The following FKBP8 variants were observed in gnomAD, a reference collection of about 807,000 sequenced individuals.
FKBP8 encodes the protein peptidyl-prolyl cis-trans isomerase FKBP8.
FKBP8 carries 5 observed loss-of-function variants against 41.7 expected under a neutral mutation model. The observed-to-expected ratio is 0.12, with a 90% CI of 0.06 to 0.25. The LOEUF is 0.25. Among genes scored for constraint, FKBP8 ranks in the 10% least tolerant of loss-of-function variants. The pLI, the probability that FKBP8 is intolerant of heterozygous loss-of-function variation, is 1.00. For missense variants in FKBP8, 397 were observed against 563.0 expected (o/e 0.71, Z 2.98); for synonymous variants, 279 against 254.5 (o/e 1.10, Z -0.92).
Position 18,537,936 on chromosome 19 carries a change from G to GC in FKBP8, c.773-164_773-163insG. The GC allele has an allele frequency of 2.6e-6, 2 of 777,888 alleles. No homozygotes were observed. 48.2% of individuals were successfully genotyped at this position (777,888 alleles called of 1,614,324 possible). On this transcript the variant is annotated intron_variant, in intron 5 of 8. Coordinates refer to ENST00000608443, the MANE Select transcript of FKBP8 (RefSeq NM_012181.5). This position sits in a 1 kb window ranked among gnomAD's most constrained non-coding sequence, Gnocchi z 4.4. ...GGCTCTCCTGAGGAAGCTACAAGATGGAGACTTAAGCAAGCGAGGGCCTAG... is the reference window on the plus strand; with the variant it reads ...GGCTCTCCTGAGGAAGCTACAAGATGCGAGACTTAAGCAAGCGAGGGCCTAG...
chr19:18,540,787 G>A (rs565279352), intron 2 of FKBP8, among the ~76,000 whole-genome samples: 1 of 151,836 alleles, frequency 6.6e-6, no homozygotes, highest in East Asian at 1.9e-4. Flanking sequence ...CAGAAGAATC[G>A]CTTGAACCTG....
rs972047387 is a variant in FKBP8 at position 18,531,929 on chromosome 19, G to A, written c.*240C>T. 12 of 537,572 alleles carry A rather than the reference G, an allele frequency of 2.2e-5. No homozygotes were observed. The highest frequency in any genetic ancestry group is 3.4e-5 in the Non-Finnish European group (10 of 296,156). 33.3% of individuals were successfully genotyped at this position (537,572 alleles called of 1,614,324 possible). ...AGCCCTGGCGGAGACCTAGCCCAGCGGGGTAAGGAGGGTGGGGGAAAACTG... is the reference window on the plus strand; with the variant it reads ...AGCCCTGGCGGAGACCTAGCCCAGCAGGGTAAGGAGGGTGGGGGAAAACTG... On this transcript the variant is annotated 3_prime_UTR_variant, in exon 9 of 9. Transcript: ENST00000608443.
chr19:18,536,203 A>C (rs897530427), intron 6 of FKBP8: 1 of 152,182 alleles, frequency 6.6e-6, no homozygotes, highest in African/African-American at 2.4e-5. Context: ...GTGAGCCAGT[A>C]TCTGTGCCTC....
rs751007927 is a variant in FKBP8, at chr19:18,533,250, G to A, written c.1023+20C>T. The A allele has an allele frequency of 6.4e-7, 1 of 1,551,636 alleles. No homozygotes were observed. Reference sequence around the variant, plus strand: ...GACTTCCCAGCCGAGCAAGTCCCAGGGCACCCCTGTCCTGCTCACCTTGTT... The same window carrying A: ...GACTTCCCAGCCGAGCAAGTCCCAGAGCACCCCTGTCCTGCTCACCTTGTT... On this transcript the variant is annotated intron_variant, in intron 7 of 8. Transcript: ENST00000608443.
Position 18,537,528 on chromosome 19 carries a change from C to T in FKBP8, c.945+73G>A. On this transcript the variant is annotated intron_variant, in intron 6 of 8. Coordinates refer to ENST00000608443, the MANE Select transcript of FKBP8 (RefSeq NM_012181.5). The surrounding 1 kb of genome is among the most constrained non-coding windows in gnomAD (Gnocchi z 4.4). ...CTGGCTTATATACCTATGCCTTTCT[C>T]AAATGCAGGGTTGGGGACCACCCCG... 1 of 1,417,880 alleles carries T rather than the reference C, an allele frequency of 7.1e-7. No individual in the cohort carries two copies. 87.8% of individuals were successfully genotyped at this position (1,417,880 alleles called of 1,614,324 possible).
chr19:18,533,850 C>CA (rs540917196), intron 6 of FKBP8, among the ~76,000 whole-genome samples: 36 of 146,934 alleles, frequency 2.5e-4, no homozygotes, highest in East Asian at 1.0e-3. Flanking sequence ...ACTAAAAATA[C>CA]AAAAAAAATT....
At chr19:18,532,404 A>G in intron 8 of FKBP8, 149 bp from the exon 9 acceptor site, 1 of 944,168 alleles carries the variant, frequency 1.1e-6, no homozygotes, top group Non-Finnish European at 1.6e-6. Flanking sequence ...CTACTCATGC[A>G]GCAAAACCCA....
intron 6 of FKBP8, among the ~76,000 whole-genome samples, chr19:18,533,831 C>T (rs1250246924): frequency 1.6e-4 from 23 of 147,076 alleles, no homozygotes; most frequent in Admixed American, 2.0e-4. Context: ...ACGGTGAAAC[C>T]CTGTATCTAC....
In FKBP8 at chr19:18,539,704, C is replaced by T; in HGVS notation, c.309G>A (p.Arg103=). The T allele has an allele frequency of 6.2e-7, 1 of 1,608,240 alleles. No homozygotes were observed. Residue 103 remains arginine (R), a synonymous_variant, in exon 3 of 9, where the codon AGG becomes AGA. Transcript: ENST00000608443. ...WLDILGNGLL[R]KKTLVPGPPG... ...GCGGCCCTGGGACCAGCGTCTTCTT[C>T]CTCAACAGCCCGTTCCCTGCCAGGG... is the stretch of plus-strand genomic sequence containing the variant.
At chr19:18,533,536 T>C (rs889703162) in intron 6 of FKBP8, among the ~76,000 whole-genome samples, 189 bp from the exon 7 acceptor site, 3 of 152,046 alleles carry the variant, frequency 2.0e-5, no homozygotes, top group Admixed American at 1.3e-4. Context: ...AAACCCCGTC[T>C]CTACCAAAAA....
rs1976477080 is a variant in FKBP8 at position 18,532,687 on chromosome 19, TAGC to T, written c.1129_1131del (p.Ala377del). 1.2e-6 allele frequency: 2 copies of T among 1,614,032 alleles called. No homozygotes were observed. Among genetic ancestry groups the T allele is most frequent in the Non-Finnish European group, 8.5e-7 (1 of 1,180,016 alleles). On this transcript the variant is annotated inframe_deletion, in exon 8 of 9. Transcript: ENST00000608443. ...ACCCAGGCACCCTTGCCAGGGCACT[TAGC>T]AGGCAGCCGGCTGGGGTTGCCCAGC...
chr19:18,541,167 T>C (rs1976691152), intron 2 of FKBP8, among the ~76,000 whole-genome samples: 1 of 152,168 alleles, frequency 6.6e-6, no homozygotes, highest in African/African-American at 2.4e-5. Context: ...GTAGTTTTCT[T>C]CTTGTAGGAT....
chr19:18,532,788 T>C lies in FKBP8; in HGVS notation c.1031A>G (p.His344Arg). ...LKLEPSNKTIHAELSKLVKKH... is the reference protein window; with the variant it reads ...LKLEPSNKTIRAELSKLVKKH... ...CTTCACCAGCTTTGAGAGCTCTGCG[T>C]GGATCGTCTGCAGAAGGCAGGGGAA... is the stretch of plus-strand genomic sequence containing the variant. The change falls in exon 8 of 9, where the codon CAC (histidine) becomes CGC (arginine). Residue 344 changes from histidine (H) to arginine (R), a missense_variant. Around this residue, in one of 2 missense-constraint regions of FKBP8, gnomAD observed 225 missense variants for 366.8 expected, o/e 0.61. Transcript: ENST00000608443. The C allele has an allele frequency of 6.2e-7, 1 of 1,613,886 alleles. No individual in the cohort carries two copies. Among genetic ancestry groups the C allele is most frequent in the Non-Finnish European group, 8.5e-7 (1 of 1,180,002 alleles).
Position 18,537,828 on chromosome 19 carries a change from G to A in FKBP8, c.773-55C>T, listed in dbSNP as rs1057187296. On this transcript the variant is annotated intron_variant, in intron 5 of 8. Transcript: ENST00000608443. This position sits in a 1 kb window ranked among gnomAD's most constrained non-coding sequence, Gnocchi z 4.4. ...CCGTCACCATGCCACCAGACACCCC[G>A]GCACCCACCCCTCTGCGGAGGCTGC... is the stretch of plus-strand genomic sequence containing the variant. The A allele has an allele frequency of 2.6e-5, 41 of 1,549,086 alleles. No homozygotes were observed. The highest frequency in any genetic ancestry group is 2.1e-4 in the South Asian group (17 of 82,776).
chr19:18,539,016 G>A (rs567177457), intron 4 of FKBP8, among the ~76,000 whole-genome samples: 9 of 151,804 alleles, frequency 5.9e-5, no homozygotes, highest in South Asian at 2.1e-4. Flanking sequence ...GGGTTTCACC[G>A]TGCTAGCCAG....
chr19:18,536,711 A>G (rs981039832), intron 6 of FKBP8, among the ~76,000 whole-genome samples: 15 of 152,188 alleles, frequency 9.9e-5, no homozygotes, highest in African/African-American at 3.6e-4. Flanking sequence ...CCCTGTTTGC[A>G]AGGCTGGAGA....
intron 1 of FKBP8, chr19:18,542,748 TC>T: frequency 2.3e-6 from 1 of 443,508 alleles, no homozygotes; most frequent in Non-Finnish European, 4.0e-6. Context: ...GTGGTCGAGG[TC>T]CCACCACATT....
intron 7 of FKBP8, 46 bp from the exon 8 acceptor site, chr19:18,532,841 C>T (rs781771259): frequency 1.9e-6 from 3 of 1,604,796 alleles, no homozygotes; most frequent in Non-Finnish European, 2.5e-6. Context: ...GCCAACCTGT[C>T]ATCACTGGCG....
intron 2 of FKBP8, among the ~76,000 whole-genome samples, 192 bp from the exon 3 acceptor site, chr19:18,539,912 G>A (rs1976661868): frequency 6.6e-6 from 1 of 152,230 alleles, no homozygotes; most frequent in African/African-American, 2.4e-5. Context: ...GCAGGACACT[G>A]GGCAGGATGG....
Sources: allele counts gnomAD v4.1 joint callset (sites outside exome capture counted in the v4.1 genomes callset), GRCh38; gene constraint gnomAD v4.1.1; regional missense constraint gnomAD v4.1.1; non-coding constraint Gnocchi (gnomAD v3.1); transcripts MANE v1.5; gene names NCBI Gene and HGNC (gene_info 2026-07-23, HGNC 2026-07-21).